Variants in SLC38A11 observed in about 807,000 individuals in gnomAD.
The protein encoded by SLC38A11 is solute carrier family 38 member 11.
SLC38A11 carries 51 observed loss-of-function variants against 49.4 expected under a neutral mutation model. The observed-to-expected ratio is 1.03, with a 90% CI of 0.83 to 1.30. The LOEUF (loss-of-function observed/expected upper bound fraction) is 1.30, where lower values mean the gene tolerates loss of function less well. Ranked by LOEUF, SLC38A11 falls within the 50% of genes most tolerant of loss-of-function variation. The pLI is 0.00. For missense variants in SLC38A11, 574 were observed against 556.2 expected, an observed-to-expected ratio of 1.03 and a Z score of -0.32; for synonymous variants, 203 against 192.9, an observed-to-expected ratio of 1.05 and a Z score of -0.43.
rs747625648 is a variant in SLC38A11 at position 164,945,692 on chromosome 2, G to C, written c.265C>G (p.Leu89Val). The C allele has an allele frequency of 1.2e-6, 2 of 1,609,528 alleles. No homozygotes were observed. The highest frequency in any genetic ancestry group is 8.5e-7 in the Non-Finnish European group (1 of 1,179,092). Residue 89 changes from leucine (L) to valine (V), a missense_variant, in exon 4 of 12, where the codon CTC becomes GTC. By Grantham distance (32) the Leu-to-Val change is conservative. Transcript: ENST00000685975. Reference sequence around the variant, plus strand: ...GACTGGTAGGTATCTGTTCCAGAGAGGGCCCCTCCTTTTATCAATAAAACA... The same window carrying C: ...GACTGGTAGGTATCTGTTCCAGAGACGGCCCCTCCTTTTATCAATAAAACA... ...SLVLLIKGGA[L>V]SGTDTYQSLV...
In SLC38A11 at chr2:164,898,647, G is replaced by A. The variant is rs1450118832; in HGVS notation, c.1179C>T (p.Ser393=). The change falls in exon 12 of 12, where the codon TCC becomes TCT. Residue 393 remains serine (S), a synonymous_variant. Transcript: ENST00000685975. ...LKLSEEPRTH[S]DKIMSCVMLP... ...GCATGACACAAGACATAATCTTATC[G>A]GAGTGTGTCCTTGGTTCTTCAGACA... 3.7e-6 allele frequency: 6 copies of A among 1,613,446 alleles called. No individual in the cohort carries two copies. Among genetic ancestry groups the A allele is most frequent in the South Asian group, 3.3e-5 (3 of 91,056 alleles).
intron 8 of SLC38A11, 149 bp downstream of exon 8, chr2:164,915,754 T>G: frequency 3.3e-6 from 2 of 600,902 alleles, no homozygotes; most frequent in Non-Finnish European, 2.9e-6. Context: ...GAGCCTAATT[T>G]TATATTGGCA....
chr2:164,945,299 T>C (rs1028740922), intron 4 of SLC38A11, among the ~76,000 whole-genome samples: 2 of 151,922 alleles, frequency 1.3e-5, no homozygotes, highest in Non-Finnish European at 1.5e-5. Context: ...AAGAAATGTG[T>C]TATTTCTCTT....
intron 3 of SLC38A11, among the ~76,000 whole-genome samples, chr2:164,949,098 A>T (rs1688341115): frequency 6.6e-6 from 1 of 151,554 alleles, no homozygotes; most frequent in African/African-American, 2.4e-5. Context: ...AATGTTCCTC[A>T]TTGCTATAGC....
intron 11 of SLC38A11, among the ~76,000 whole-genome samples, chr2:164,900,776 C>G (rs1684601322): frequency 6.6e-6 from 1 of 151,970 alleles, no homozygotes; most frequent in Admixed American, 6.6e-5. Flanking sequence ...CCCTGCACCC[C>G]CTCCCCACTG....
Position 164,908,719 on chromosome 2 carries a change from A to G in SLC38A11, c.1016T>C (p.Val339Ala). The change falls in exon 11 of 12, where the codon GTT becomes GCT. Residue 339 changes from valine to alanine, a missense_variant. Val to Ala is a moderately conservative substitution (Grantham distance 64, BLOSUM62 0). Transcript: ENST00000685975. Reference sequence around the variant, plus strand: ...TACAGTGATGACCATCACTGTTACAACAATGTGGAAAACCGATGAAAGATT... The same window carrying G: ...TACAGTGATGACCATCACTGTTACAGCAATGTGGAAAACCGATGAAAGATT... ...GGNLSSVFHI[V>A]VTVMVITVAT... is the part of the protein sequence containing the mutation. 2 of 1,611,916 alleles carry G rather than the reference A, an allele frequency of 1.2e-6. No homozygotes were observed. The highest frequency in any genetic ancestry group is 1.1e-5 in the South Asian group (1 of 90,722).
chr2:164,901,796 G>C (rs1233393003), intron 11 of SLC38A11, among the ~76,000 whole-genome samples: 7 of 151,998 alleles, frequency 4.6e-5, no homozygotes, highest in Non-Finnish European at 1.0e-4. Flanking sequence ...CTATGTTGAA[G>C]AGAAGTGGCG....
chr2:164,929,102 G>C (rs1248028126), intron 7 of SLC38A11, among the ~76,000 whole-genome samples: 1 of 152,080 alleles, frequency 6.6e-6, no homozygotes, highest in East Asian at 1.9e-4. Flanking sequence ...AATAAGAGAA[G>C]GGCAGAGGAG....
chr2:164,914,420 G>C (rs78721168), intron 9 of SLC38A11, among the ~76,000 whole-genome samples: 1 of 151,918 alleles, frequency 6.6e-6, no homozygotes, highest in Non-Finnish European at 1.5e-5. Context: ...GGAAGAAAAG[G>C]TCTGGTTTTA....
At position 164,944,552 on chromosome 2, in the gene SLC38A11, T is replaced by C; in HGVS notation, c.430+17A>G. ...AATAAATATATTTAAATCCTCACAA[T>C]TTTTATTTTGGCTTACCTCCTGGGA... On this transcript the variant is annotated intron_variant, in intron 5 of 11. Coordinates refer to ENST00000685975, the MANE Select transcript of SLC38A11 (RefSeq NM_001351537.2). 1.6e-6 allele frequency: 2 copies of C among 1,240,094 alleles called. No homozygotes were observed. The highest frequency in any genetic ancestry group is 2.1e-6 in the Non-Finnish European group (2 of 954,222). 76.8% of individuals were successfully genotyped at this position (1,240,094 alleles called of 1,614,324 possible). A position where few individuals can be genotyped will look rare whatever the true frequency, so the allele number is the denominator to read the frequency against.
chr2:164,931,858 A>T (rs1687028715), intron 7 of SLC38A11, among the ~76,000 whole-genome samples: 1 of 152,136 alleles, frequency 6.6e-6, no homozygotes, highest in African/African-American at 2.4e-5. Context: ...TGGACATAGG[A>T]ACGGGCAAAT....
chr2:164,919,184 G>C (rs573383872), intron 7 of SLC38A11, among the ~76,000 whole-genome samples: 1 of 152,026 alleles, frequency 6.6e-6, no homozygotes, highest in Admixed American at 6.6e-5. Flanking sequence ...AAAAACATTA[G>C]CCAGGCATGA....
At chr2:164,940,527 A>T (rs997832510) in intron 5 of SLC38A11, among the ~76,000 whole-genome samples, 1 of 151,042 alleles carries the variant, frequency 6.6e-6, no homozygotes, top group Non-Finnish European at 1.5e-5. Context: ...TCTAAAGTCT[A>T]TAAAGATCCA....
At chr2:164,944,325 ATAAAG>A (rs1471755199) in intron 5 of SLC38A11, among the ~76,000 whole-genome samples, 2 of 152,200 alleles carry the variant, frequency 1.3e-5, no homozygotes, top group African/African-American at 4.8e-5. Flanking sequence ...AATTTAAAAT[ATAAAG>A]TATTCTAAGT....
chr2:164,952,892 T>C (rs1358058260), intron 2 of SLC38A11, 111 bp from the exon 3 acceptor site: 20 of 744,544 alleles, frequency 2.7e-5, no homozygotes, highest in South Asian at 1.1e-4. Flanking sequence ...TATATACTTA[T>C]ATGACGTATT....
rs1684367180 is a variant in SLC38A11 at position 164,895,636 on chromosome 2, C to A, written c.*2801G>T. ...TCCTTTTAAGAAAGACAAGGGGCAA[C>A]AATTATTGTTTGGCATCATTGGAAA... On this transcript the variant is annotated 3_prime_UTR_variant, in exon 12 of 12. Coordinates refer to ENST00000685975, the MANE Select transcript of SLC38A11 (RefSeq NM_001351537.2). The A allele has an allele frequency of 6.6e-6, 1 of 152,120 alleles. No individual in the cohort carries two copies. The allele number at this position is 152,120 out of a possible 1,614,324, so 9.4% of individuals were successfully genotyped here. A position where few individuals can be genotyped will look rare whatever the true frequency, so the allele number is the denominator to read the frequency against.
chr2:164,902,553 T>C (rs777923903), intron 11 of SLC38A11, among the ~76,000 whole-genome samples: 4 of 152,166 alleles, frequency 2.6e-5, no homozygotes, highest in Non-Finnish European at 5.9e-5. Context: ...CTATCACCTA[T>C]GGTTTAAAAG....
chr2:164,902,324 C>T (rs950611189), intron 11 of SLC38A11, among the ~76,000 whole-genome samples: 3 of 151,974 alleles, frequency 2.0e-5, no homozygotes, highest in African/African-American at 2.4e-5. Context: ...CCCAGCTGTT[C>T]ATGTGGTTTT....
Position 164,954,654 on chromosome 2 carries a change from G to A in SLC38A11, c.131C>T (p.Ser44Leu), listed in dbSNP as rs547523963. 26 of 1,528,970 alleles carry A rather than the reference G, an allele frequency of 1.7e-5. No individual in the cohort carries two copies. The East Asian group carries it at 2.2e-4, about 13-fold the overall frequency. The allele number at this position is 1,528,970 out of a possible 1,614,324, so 94.7% of individuals were successfully genotyped here. The change falls in exon 2 of 12, where the codon TCG (serine) becomes TTG (leucine). Residue 44 changes from serine (S) to leucine (L), a missense_variant. Ser to Leu is a moderately radical substitution (Grantham distance 145). Coordinates refer to ENST00000685975, the MANE Select transcript of SLC38A11 (RefSeq NM_001351537.2). ...QSAALFNVVN[S>L]IIGSGIIGLP... is the part of the protein sequence containing the mutation. ...ACCTATTATACCAGATCCTATAATC[G>A]AGTTGACAACATTAAAAAGAGCAGC...
Sources: allele counts gnomAD v4.1 joint callset (sites outside exome capture counted in the v4.1 genomes callset), GRCh38; gene constraint gnomAD v4.1.1; transcripts MANE v1.5; gene names NCBI Gene and HGNC (gene_info 2026-07-23, HGNC 2026-07-21).